The following MACROD2 variants were observed in gnomAD, a reference collection of about 807,000 sequenced individuals.
The protein encoded by MACROD2 is mono-ADP ribosylhydrolase 2, also known as ADP-ribose glycohydrolase MACROD2.
MACROD2 carries 36 observed loss-of-function variants against 70.4 expected under a neutral mutation model. The ratio of observed to expected loss-of-function variants is 0.51; its 90% CI spans 0.39 to 0.68. The LOEUF (loss-of-function observed/expected upper bound fraction) is 0.68, where lower values mean the gene tolerates loss of function less well. Ranked by LOEUF, MACROD2 falls within the 30% of genes least tolerant of loss-of-function variation. MACROD2 has a pLI of 0.00. For synonymous variants in MACROD2, 172 were observed against 178.8 expected, an observed-to-expected ratio of 0.96 and a Z score of 0.30; for missense variants, 496 against 538.4, an observed-to-expected ratio of 0.92 and a Z score of 0.78.
chr20:15,346,440 A>T (rs1231193554), intron 6 of MACROD2, among the ~76,000 whole-genome samples: 1 of 152,116 alleles, frequency 6.6e-6, no homozygotes, highest in Non-Finnish European at 1.5e-5. Flanking sequence ...AGATAAAGGA[A>T]CTTATTCTCA....
At chr20:15,845,251 G>T (rs2064217785) in intron 8 of MACROD2, among the ~76,000 whole-genome samples, 1 of 152,098 alleles carries the variant, frequency 6.6e-6, no homozygotes. Flanking sequence ...ATCACCTGAA[G>T]AATCTCTGAT....
intron 10 of MACROD2, among the ~76,000 whole-genome samples, chr20:15,903,201 A>G (rs145606441): frequency 1.2e-3 from 179 of 152,210 alleles, no homozygotes; most frequent in African/African-American, 4.1e-3. Flanking sequence ...TACTAGCCAG[A>G]CGTAGTGGCG....
chr20:14,206,748 T>G (rs1300459676), intron 3 of MACROD2, among the ~76,000 whole-genome samples: 1 of 151,964 alleles, frequency 6.6e-6, no homozygotes, highest in Non-Finnish European at 1.5e-5. Context: ...AGGGATTGGA[T>G]GATAGAGGCA....
chr20:15,511,107 G>A (rs1288990827), intron 8 of MACROD2, among the ~76,000 whole-genome samples: 1 of 152,202 alleles, frequency 6.6e-6, no homozygotes, highest in Non-Finnish European at 1.5e-5. Context: ...CCACAGCAAA[G>A]GTTGCAGCCA....
chr20:15,111,264 C>G (rs964189768), intron 5 of MACROD2, among the ~76,000 whole-genome samples: 1 of 151,722 alleles, frequency 6.6e-6, no homozygotes, highest in Non-Finnish European at 1.5e-5. Flanking sequence ...ACTCTGCCAC[C>G]TGGGTTCAAG....
At chr20:14,384,828 G>T (rs958982473) in intron 3 of MACROD2, among the ~76,000 whole-genome samples, 5 of 152,128 alleles carry the variant, frequency 3.3e-5, no homozygotes, top group African/African-American at 1.2e-4. Flanking sequence ...CAGTTTCAGA[G>T]TTTCCATCTG....
In MACROD2 at chr20:14,259,583, C is replaced by G. The variant is rs563273606; in HGVS notation, c.271+173855C>G. Among the ~76,000 whole-genome samples, 109 of 152,268 alleles carry G rather than the reference C, an allele frequency of 7.2e-4. 1 individual carries two copies. In the Middle Eastern group the frequency reaches 0.014, roughly 19 times the overall value. ...GATGAGCTGTTTATGTACCATTAGTCAAATATTTATTAAGCAGCTGCTATG... is the reference window on the plus strand; with the variant it reads ...GATGAGCTGTTTATGTACCATTAGTGAAATATTTATTAAGCAGCTGCTATG... On this transcript the variant is annotated intron_variant, in intron 3 of 17. Transcript: ENST00000684519.
chr20:15,755,979 G>C (rs750074543), intron 8 of MACROD2, among the ~76,000 whole-genome samples: 4 of 152,184 alleles, frequency 2.6e-5, no homozygotes, highest in Non-Finnish European at 4.4e-5. Flanking sequence ...CAAATGGGCA[G>C]ATAAAACCAT....
intron 12 of MACROD2, among the ~76,000 whole-genome samples, chr20:15,942,996 A>G (rs970954934): frequency 6.6e-6 from 1 of 152,192 alleles, no homozygotes; most frequent in Non-Finnish European, 1.5e-5. Context: ...AAGTCATACA[A>G]TTGCTGTTTT....
At chr20:15,786,161 T>TAAAA (rs10641335) in intron 8 of MACROD2, among the ~76,000 whole-genome samples, 2 of 144,638 alleles carry the variant, frequency 1.4e-5, no homozygotes, top group African/African-American at 5.1e-5. Flanking sequence ...TTAACAATAT[T>TAAAA]AAAAAAAAAA....
At chr20:15,303,127 A>G (rs562923432) in intron 6 of MACROD2, among the ~76,000 whole-genome samples, 1 of 152,184 alleles carries the variant, frequency 6.6e-6, no homozygotes, top group South Asian at 2.1e-4. Flanking sequence ...ATGTATCTAT[A>G]AGCATTTTCC....
At chr20:15,588,204 C>G (rs764888650) in intron 8 of MACROD2, among the ~76,000 whole-genome samples, 1 of 152,226 alleles carries the variant, frequency 6.6e-6, no homozygotes, top group Non-Finnish European at 1.5e-5. Flanking sequence ...CACTCTGAAG[C>G]CACAGCCAGA....
intron 3 of MACROD2, among the ~76,000 whole-genome samples, chr20:14,475,101 T>C (rs2084575569): frequency 6.6e-6 from 1 of 152,024 alleles, no homozygotes; most frequent in African/African-American, 2.4e-5. Context: ...TGATTCCTTG[T>C]TTCTTATTTG....
intron 5 of MACROD2, among the ~76,000 whole-genome samples, chr20:14,957,524 G>C (rs1412118861): frequency 6.6e-6 from 1 of 152,124 alleles, no homozygotes; most frequent in African/African-American, 2.4e-5. Context: ...ATTCCAGAGA[G>C]TCATAGATGG....
At position 15,868,096 on chromosome 20, in the gene MACROD2, G is replaced by A. The variant is rs543136986; in HGVS notation, c.727+5270G>A. Among the ~76,000 whole-genome samples the A allele has an allele frequency of 3.3e-5, 5 of 152,320 alleles. No individual in the cohort carries two copies. The South Asian group carries it at 6.2e-4, about 19-fold the overall frequency. The stretch of plus-strand genomic sequence containing the variant: ...AATGGCAATAGTGCAGAGGTTGAGA[G>A]GCTCCATCTGCTGGTACTGTCTCTT... On this transcript the variant is annotated intron_variant, in intron 9 of 17. Coordinates refer to ENST00000684519, the MANE Select transcript of MACROD2 (RefSeq NM_001351661.2).
chr20:14,810,152 G>A (rs897451326), intron 5 of MACROD2, among the ~76,000 whole-genome samples: 7 of 151,926 alleles, frequency 4.6e-5, no homozygotes, highest in African/African-American at 7.3e-5. Context: ...ATAATTTCAG[G>A]CCAATATCCC....
chr20:14,468,515 T>TG (rs1477897393), intron 3 of MACROD2, among the ~76,000 whole-genome samples: 1 of 130,238 alleles, frequency 7.7e-6, no homozygotes, highest in Non-Finnish European at 1.7e-5. Flanking sequence ...GTGTCTTTTT[T>TG]TGGGGGGGGG....
At chr20:15,872,466 G>T (rs2064599798) in intron 9 of MACROD2, among the ~76,000 whole-genome samples, 1 of 152,132 alleles carries the variant, frequency 6.6e-6, no homozygotes, top group African/African-American at 2.4e-5. Context: ...TATAAGAAAT[G>T]GTCTCATCTT....
chr20:15,748,131 T>C (rs976255654), intron 8 of MACROD2, among the ~76,000 whole-genome samples: 1 of 152,192 alleles, frequency 6.6e-6, no homozygotes, highest in Non-Finnish European at 1.5e-5. Flanking sequence ...TTAATGCATC[T>C]GCTTATATAT....
Sources: gnomAD v4.1 joint callset for allele counts (sites outside exome capture counted in the v4.1 genomes callset) on GRCh38, gnomAD v4.1.1 for gene constraint, MANE v1.5 for transcripts, NCBI Gene and HGNC (gene_info 2026-07-23, HGNC 2026-07-21) for gene names.